Variants in WDR27 observed in about 807,000 individuals in gnomAD.
WDR27 encodes the protein WD repeat-containing protein 27.
Under a neutral mutation model 114.4 loss-of-function variants are expected in WDR27, and 100 were observed. The ratio of observed to expected loss-of-function variants is 0.87; its 90% CI spans 0.74 to 1.03. The LOEUF (loss-of-function observed/expected upper bound fraction) is 1.03. Among genes scored for constraint, WDR27 ranks in the 50% least tolerant of loss-of-function variants. The pLI is 0.00. For synonymous variants in WDR27, 449 were observed against 423.1 expected, an observed-to-expected ratio of 1.06 and a Z score of -0.75; for missense variants, 1,129 against 1,092.9, an observed-to-expected ratio of 1.03 and a Z score of -0.47.
chr6:169,502,699 T>C (rs944285115), intron 25 of WDR27, among the ~76,000 whole-genome samples: 13 of 152,132 alleles, frequency 8.5e-5, no homozygotes, highest in Non-Finnish European at 1.9e-4. Context: ...TCCCTCGTGA[T>C]CGCACTGGGG....
At chr6:169,653,875 G>A (rs972153427) in intron 13 of WDR27, among the ~76,000 whole-genome samples, 2 of 152,184 alleles carry the variant, frequency 1.3e-5, no homozygotes, top group African/African-American at 4.8e-5. Flanking sequence ...CACCTTCTCC[G>A]ACTAGCCCAG....
intron 25 of WDR27, among the ~76,000 whole-genome samples, chr6:169,481,660 G>A (rs2997877): frequency 0.44 from 67,163 of 151,798 alleles, 17,619 homozygotes; most frequent in Non-Finnish European, 0.6. Context: ...AACACTCACC[G>A]CAAAGGTCTG....
Position 169,649,278 on chromosome 6 carries a change from G to C in WDR27, c.1482-3C>G, listed in dbSNP as rs766089470. On this transcript the variant is annotated splice_polypyrimidine_tract_variant and splice_region_variant and intron_variant, in intron 14 of 25. Transcript: ENST00000448612. ...TCTTTGGTGAAAACATAGTTACACT[G>C]TGGAAAGAAAACTCTAATATCACTC... The C allele has an allele frequency of 4.5e-6, 7 of 1,564,864 alleles. No individual in the cohort carries two copies. Among genetic ancestry groups the C allele is most frequent in the Non-Finnish European group, 5.2e-6 (6 of 1,153,448 alleles).
chr6:169,697,929 G>A (rs780714839), intron 1 of WDR27, among the ~76,000 whole-genome samples: 102 of 152,072 alleles, frequency 6.7e-4, no homozygotes, highest in Non-Finnish European at 1.2e-3. Context: ...TTCTACACTC[G>A]TCCCCGCGCA....
rs1308450142 is a variant in WDR27 at position 169,583,488 on chromosome 6, CATATATATATATATATGT to C, written c.2425-572_2425-555del. Among the ~76,000 whole-genome samples, 6 of 13,986 alleles carry C rather than the reference CATATATATATATATATGT, an allele frequency of 4.3e-4. No homozygotes were observed. The East Asian group carries it at 0.015, about 35-fold the overall frequency. 9.2% of individuals were successfully genotyped at this position (13,986 alleles called of 152,430 possible). On this transcript the variant is annotated intron_variant, in intron 23 of 25. Coordinates refer to ENST00000448612, the MANE Select transcript of WDR27 (RefSeq NM_182552.5). ...TTGTGTGTGTGTGTGTGTATATATA[CATATATATATATATATGT>C]ATATATACACACACACACACACACA...
At chr6:169,494,170 G>A (rs907605977) in intron 25 of WDR27, among the ~76,000 whole-genome samples, 6 of 152,132 alleles carry the variant, frequency 3.9e-5, no homozygotes, top group African/African-American at 1.4e-4. Flanking sequence ...ACGGCTATGA[G>A]GGTGTTTTTG....
At chr6:169,523,519 A>T (rs1040171236) in intron 25 of WDR27, among the ~76,000 whole-genome samples, 3 of 152,160 alleles carry the variant, frequency 2.0e-5, no homozygotes, top group African/African-American at 7.2e-5. Flanking sequence ...TCCACGATGA[A>T]TATAGATGTG....
intron 2 of WDR27, 84 bp from the exon 3 acceptor site, chr6:169,672,480 T>A (rs1779003877): frequency 1.5e-6 from 2 of 1,328,326 alleles, no homozygotes; most frequent in Non-Finnish European, 2.0e-6. Context: ...CCTAAGAAAT[T>A]AAAAGATTGA....
intron 21 of WDR27, among the ~76,000 whole-genome samples, chr6:169,628,738 C>T (rs1815528959): frequency 6.6e-6 from 1 of 152,148 alleles, no homozygotes; most frequent in Non-Finnish European, 1.5e-5. Context: ...TGTTATTCCA[C>T]CCGTGACTAC....
At chr6:169,564,461 T>C (rs1411166936) in intron 25 of WDR27, among the ~76,000 whole-genome samples, 1 of 152,162 alleles carries the variant, frequency 6.6e-6, no homozygotes, top group East Asian at 1.9e-4. Flanking sequence ...GTATTCACCA[T>C]CACGGTGGCA....
chr6:169,672,135 A>C, intron 3 of WDR27, 120 bp downstream of exon 3: 1 of 1,046,210 alleles, frequency 9.6e-7, no homozygotes, highest in Non-Finnish European at 1.3e-6. Context: ...AAATTATCCC[A>C]AACCCCCCGA....
intron 24 of WDR27, among the ~76,000 whole-genome samples, chr6:169,581,091 C>T (rs1252897594): frequency 6.6e-6 from 1 of 151,912 alleles, no homozygotes; most frequent in Non-Finnish European, 1.5e-5. Flanking sequence ...ATGACAACTA[C>T]AACTTGTTGC....
intron 25 of WDR27, among the ~76,000 whole-genome samples, chr6:169,566,436 C>G (rs1010859221): frequency 6.6e-6 from 1 of 152,180 alleles, no homozygotes; most frequent in Non-Finnish European, 1.5e-5. Flanking sequence ...GGCCACTGTC[C>G]CGGGGGCCTC....
chr6:169,514,923 A>G lies in WDR27; in HGVS notation c.2646-57289T>C, dbSNP rs541322524. The stretch of plus-strand genomic sequence containing the variant: ...TTTATTTTATTTTAAAAATAAATCT[A>G]CAGCAAACATCAAACTTAGTGGTGA... On this transcript the variant is annotated intron_variant, in intron 25 of 25. Transcript: ENST00000448612. Among the ~76,000 whole-genome samples the G allele has an allele frequency of 2.6e-5, 4 of 152,124 alleles. No individual in the cohort carries two copies. In the East Asian group the frequency reaches 7.7e-4, roughly 29 times the overall value.
intron 25 of WDR27, among the ~76,000 whole-genome samples, chr6:169,501,000 G>A (rs904327424): frequency 6.6e-6 from 1 of 152,198 alleles, no homozygotes; most frequent in South Asian, 2.1e-4. Context: ...GATTCTCTAC[G>A]TTTTCGAACT....
intron 25 of WDR27, among the ~76,000 whole-genome samples, chr6:169,505,788 G>A (rs957568133): frequency 6.6e-6 from 1 of 152,308 alleles, no homozygotes; most frequent in South Asian, 2.1e-4. Flanking sequence ...CAGTCATCTG[G>A]AAGGCTTATT....
intron 25 of WDR27, among the ~76,000 whole-genome samples, chr6:169,522,186 C>A (rs1383198754): frequency 6.6e-6 from 1 of 151,950 alleles, no homozygotes; most frequent in Non-Finnish European, 1.5e-5. Flanking sequence ...AGTAGCTATA[C>A]TTATATCAGA....
At chr6:169,501,576 C>T (rs983440323) in intron 25 of WDR27, among the ~76,000 whole-genome samples, 1 of 152,200 alleles carries the variant, frequency 6.6e-6, no homozygotes, top group Non-Finnish European at 1.5e-5. Flanking sequence ...AACTTTTGAA[C>T]CAGCAGTAGC....
intron 25 of WDR27, among the ~76,000 whole-genome samples, chr6:169,566,073 C>T (rs930180502): frequency 1.3e-5 from 2 of 151,646 alleles, no homozygotes; most frequent in Admixed American, 1.3e-4. Flanking sequence ...AGAAATAAAA[C>T]ATTTTGTAAT....
Sources: gnomAD v4.1 joint callset for allele counts (sites outside exome capture counted in the v4.1 genomes callset) on GRCh38, gnomAD v4.1.1 for gene constraint, MANE v1.5 for transcripts, NCBI Gene and HGNC (gene_info 2026-07-23, HGNC 2026-07-21) for gene names.